The following SEPSECS variants were observed in gnomAD, a reference collection of about 807,000 sequenced individuals.
SEPSECS encodes the protein O-phosphoseryl-tRNA(Sec) selenium transferase.
A neutral mutation model predicts 52.1 loss-of-function variants in SEPSECS; 42 were observed. That is an observed-to-expected ratio of 0.81 (90% CI 0.63 to 1.04). The LOEUF is 1.04. Ranked by LOEUF, SEPSECS falls within the 50% of genes least tolerant of loss-of-function variation. SEPSECS has a pLI of 0.00. For missense variants in SEPSECS, 590 were observed against 610.6 expected (o/e 0.97, Z 0.36); for synonymous variants, 216 against 211.4 (o/e 1.02, Z -0.19).
chr4:25,138,487 TA>T (rs1728933826), intron 8 of SEPSECS, among the ~76,000 whole-genome samples: 1 of 150,288 alleles, frequency 6.7e-6, no homozygotes, highest in Admixed American at 6.6e-5. Context: ...ATAAATAAAA[TA>T]AATTTATGAT....
intron 5 of SEPSECS, among the ~76,000 whole-genome samples, chr4:25,152,781 C>T (rs1479330965): frequency 2.0e-5 from 3 of 151,898 alleles, no homozygotes; most frequent in African/African-American, 7.2e-5. Context: ...AAGCCAAATA[C>T]TTCTTGTGAC....
In SEPSECS at chr4:25,131,400, G is replaced by C. The variant is rs138799453; in HGVS notation, c.1027-4043C>G. ...ATACCCAGTAGTCTACTATTTCAAA[G>C]ATAACATGAATGGATGGATGGATGA... is the stretch of plus-strand genomic sequence containing the variant. On this transcript the variant is annotated intron_variant, in intron 8 of 10. Coordinates refer to ENST00000382103, the MANE Select transcript of SEPSECS (RefSeq NM_016955.4). 2.0e-4 allele frequency among the ~76,000 whole-genome samples: 31 copies of C among 152,292 alleles called. No individual in the cohort carries two copies. The East Asian group carries it at 6.0e-3, about 29-fold the overall frequency.
chr4:25,155,070 T>A lies in SEPSECS; in HGVS notation c.629A>T (p.Gln210Leu), dbSNP rs529221715. ...TDLKAVEAKV[Q>L]ELGPDCILCI... ...CAGAATGCAATCAGGCCCAAGTTCC[T>A]GGACTTTAGCCTCCACTGCTTTCAG... The change falls in exon 5 of 11, where the codon CAG becomes CTG. Residue 210 changes from glutamine to leucine, a missense_variant. Transcript: ENST00000382103. The A allele has an allele frequency of 2.5e-6, 4 of 1,614,188 alleles. No homozygotes were observed. In the African/African-American group the frequency reaches 5.3e-5, roughly 22 times the overall value.
chr4:25,155,162 C>A lies in SEPSECS; in HGVS notation c.548-11G>T. 2 of 1,613,924 alleles carry A rather than the reference C, an allele frequency of 1.2e-6. No homozygotes were observed. The highest frequency in any genetic ancestry group is 1.7e-6 in the Non-Finnish European group (2 of 1,179,912). ...CCACAGGCTCAAAACCTAACCAAAC[C>A]AACCAGAAAACAAAATGTTAGTGTG... On this transcript the variant is annotated splice_polypyrimidine_tract_variant and intron_variant, in intron 4 of 10. Transcript: ENST00000382103.
chr4:25,125,604 T>C, intron 10 of SEPSECS, 90 bp downstream of exon 10: 1 of 809,356 alleles, frequency 1.2e-6, no homozygotes, highest in Non-Finnish European at 2.1e-6. Context: ...GTTCAGGATA[T>C]ACTTGGGGGA....
In SEPSECS at chr4:25,124,179, T is replaced by C. The variant is rs764342030; in HGVS notation, c.1258A>G (p.Arg420Gly). ...SMQTVSGYTF[R>G]GFMSHTNNYP... Reference sequence around the variant, plus strand: ...TTATTTGTATGTGACATAAAGCCTCTGAAAGTATAGCCACTCACAGTTTGC... The same window carrying C: ...TTATTTGTATGTGACATAAAGCCTCCGAAAGTATAGCCACTCACAGTTTGC... The change falls in exon 11 of 11, where the codon AGA (arginine) becomes GGA (glycine). Residue 420 changes from arginine (R) to glycine (G), a missense_variant. Physicochemically the swap from Arg to Gly is moderately radical, Grantham distance 125 (BLOSUM62 -2). Coordinates refer to ENST00000382103, the MANE Select transcript of SEPSECS (RefSeq NM_016955.4). 3.1e-6 allele frequency: 5 copies of C among 1,613,498 alleles called. No homozygotes were observed. The Admixed American group carries it at 5.0e-5, about 16-fold the overall frequency.
rs1408311810 is a variant in SEPSECS at position 25,156,502 on chromosome 4, A to G, written c.389-307T>C. Among the ~76,000 whole-genome samples, 3 of 151,902 alleles carry G rather than the reference A, an allele frequency of 2.0e-5. No individual in the cohort carries two copies. The East Asian group carries it at 5.8e-4, about 29-fold the overall frequency. On this transcript the variant is annotated intron_variant, in intron 3 of 10. Coordinates refer to ENST00000382103, the MANE Select transcript of SEPSECS (RefSeq NM_016955.4). Reference sequence around the variant, plus strand: ...GGCGGATCACGAGGTCAGGAGATCGAGACCATCCTGGCTAACACGGTGAGA... The same window carrying G: ...GGCGGATCACGAGGTCAGGAGATCGGGACCATCCTGGCTAACACGGTGAGA...
chr4:25,127,419 C>T, intron 8 of SEPSECS, 62 bp from the exon 9 acceptor site: 1 of 1,210,910 alleles, frequency 8.3e-7, no homozygotes, highest in East Asian at 2.4e-5. Flanking sequence ...TTTAATAAGA[C>T]AAAAATCTGA....
intron 8 of SEPSECS, among the ~76,000 whole-genome samples, chr4:25,136,277 G>A (rs1259829547): frequency 6.6e-6 from 1 of 152,182 alleles, no homozygotes; most frequent in Non-Finnish European, 1.5e-5. Context: ...TCTGGTTGCA[G>A]ATGACATGAT....
intron 8 of SEPSECS, among the ~76,000 whole-genome samples, chr4:25,134,492 T>C (rs917736617): frequency 1.3e-5 from 2 of 152,148 alleles, no homozygotes; most frequent in African/African-American, 2.4e-5. Context: ...GAGCATCTAC[T>C]ATATATCAAG....
At chr4:25,129,397 G>A (rs1364728788) in intron 8 of SEPSECS, among the ~76,000 whole-genome samples, 1 of 151,984 alleles carries the variant, frequency 6.6e-6, no homozygotes, top group Non-Finnish European at 1.5e-5. Context: ...GCTGAGGCAG[G>A]TGGATCACCT....
At chr4:25,129,107 T>C (rs1728508044) in intron 8 of SEPSECS, among the ~76,000 whole-genome samples, 1 of 152,232 alleles carries the variant, frequency 6.6e-6, no homozygotes, top group African/African-American at 2.4e-5. Context: ...CTCAGAATGT[T>C]GGAATTACAA....
upstream of SEPSECS, chr4:25,160,511 A>G: frequency 1.5e-6 from 1 of 666,372 alleles, no homozygotes; most frequent in South Asian, 2.0e-5. Flanking sequence ...AACAAAACAA[A>G]AAAAACACTT....
At chr4:25,142,791 T>C (rs1711671813) in intron 8 of SEPSECS, among the ~76,000 whole-genome samples, 1 of 152,236 alleles carries the variant, frequency 6.6e-6, no homozygotes, top group South Asian at 2.1e-4. Flanking sequence ...CCAATATGCC[T>C]TATACTGGAT....
rs1728120725 is a variant in SEPSECS, at chr4:25,121,442, A to G, written c.*2489T>C. 6.6e-6 allele frequency: 1 copy of G among 152,182 alleles called. No individual in the cohort carries two copies. Among genetic ancestry groups the G allele is most frequent in the African/African-American group, 2.4e-5 (1 of 41,460 alleles). 9.4% of individuals were successfully genotyped at this position (152,182 alleles called of 1,614,324 possible). A position where few individuals can be genotyped will look rare whatever the true frequency, so the allele number is the denominator to read the frequency against. On this transcript the variant is annotated 3_prime_UTR_variant, in exon 11 of 11. Transcript: ENST00000382103. Reference sequence around the variant, plus strand: ...AAGATAGAAGAGGTTATCTTCGGCAATGATTGGTAATGTATCATCCACTGC... The same window carrying G: ...AAGATAGAAGAGGTTATCTTCGGCAGTGATTGGTAATGTATCATCCACTGC...
intron 1 of SEPSECS, 106 bp downstream of exon 1, chr4:25,160,150 T>A (rs1346916895): frequency 4.6e-6 from 7 of 1,523,202 alleles, no homozygotes; most frequent in Non-Finnish European, 5.3e-6. Flanking sequence ...TTGGGACTAG[T>A]CTCAAGCAGC....
chr4:25,142,402 T>C (rs1711624940), intron 8 of SEPSECS, among the ~76,000 whole-genome samples: 1 of 152,232 alleles, frequency 6.6e-6, no homozygotes, highest in South Asian at 2.1e-4. Context: ...ACTTTTCACC[T>C]TCAAGCAAAC....
chr4:25,138,737 G>A (rs1029045622), intron 8 of SEPSECS, among the ~76,000 whole-genome samples: 2 of 152,116 alleles, frequency 1.3e-5, no homozygotes, highest in African/African-American at 4.8e-5. Flanking sequence ...CCAAGTTTCT[G>A]TTATATATAC....
Position 25,158,980 on chromosome 4 carries a change from G to C in SEPSECS, c.242C>G (p.Ser81Cys), listed in dbSNP as rs1296811065. The C allele has an allele frequency of 6.2e-7, 1 of 1,613,860 alleles. No individual in the cohort carries two copies. Among genetic ancestry groups the C allele is most frequent in the Non-Finnish European group, 8.5e-7 (1 of 1,179,848 alleles). Residue 81 changes from serine (S) to cysteine (C), a missense_variant, in exon 2 of 11, where the codon TCC becomes TGC. By Grantham distance (112) the Ser-to-Cys change is moderately radical. Coordinates refer to ENST00000382103, the MANE Select transcript of SEPSECS (RefSeq NM_016955.4). ...GTAATGACGACGAGCAACCAGTGCG[G>C]ATGCCACTCTCCCTTCCCTTTCTCC... ...GVGEREGRVA[S>C]ALVARRHYRF...
Sources: allele counts gnomAD v4.1 joint callset (sites outside exome capture counted in the v4.1 genomes callset), GRCh38; gene constraint gnomAD v4.1.1; transcripts MANE v1.5; gene names NCBI Gene and HGNC (gene_info 2026-07-23, HGNC 2026-07-21).